The following FER1L5 variants were observed in gnomAD, a reference collection of about 807,000 sequenced individuals.
The protein encoded by FER1L5 is fer-1-like protein 5.
FER1L5 carries 187 observed loss-of-function variants against 279.9 expected under a neutral mutation model. The ratio of observed to expected loss-of-function variants is 0.67; its 90% CI spans 0.59 to 0.75. The LOEUF (loss-of-function observed/expected upper bound fraction) is 0.75. Among genes scored for constraint, FER1L5 ranks in the 30% least tolerant of loss-of-function variants. The pLI is 0.00. For missense variants in FER1L5, 2,091 were observed against 2,594.4 expected (o/e 0.81, Z 4.21); for synonymous variants, 921 against 989.7 (o/e 0.93, Z 1.30).
chr2:96,647,289 A>G, intron 3 of FER1L5, 134 bp downstream of exon 3: 1 of 976,648 alleles, frequency 1.0e-6, no homozygotes, highest in Non-Finnish European at 1.5e-6. Context: ...AAGAAAAAAG[A>G]GGGGTGGGTA....
At position 96,703,510 on chromosome 2, in the gene FER1L5, A is replaced by G. The variant is rs1281957508; in HGVS notation, c.5692-13A>G. On this transcript the variant is annotated splice_polypyrimidine_tract_variant and intron_variant, in intron 50 of 52. Coordinates refer to ENST00000624922, the MANE Select transcript of FER1L5 (RefSeq NM_001293083.2). ...TCTGCACTCAGCCTCCCCCTCACCCATGGTGTTCCTAGGGCAAGGTGAAGA... is the reference window on the plus strand; with the variant it reads ...TCTGCACTCAGCCTCCCCCTCACCCGTGGTGTTCCTAGGGCAAGGTGAAGA... The G allele has an allele frequency of 1.9e-6, 3 of 1,613,260 alleles. No individual in the cohort carries two copies. The highest frequency in any genetic ancestry group is 2.5e-6 in the Non-Finnish European group (3 of 1,179,372).
chr2:96,693,504 AGGGCCCTTC>A lies in FER1L5; in HGVS notation c.3293-1_3300del. ...CTGCTACCTTCTCCTCTACCCCTCCAGGGCCCTTCATTCGGGTGGTCTTCCTGAACCACA... is the reference window on the plus strand; with the variant it reads ...CTGCTACCTTCTCCTCTACCCCTCCAATTCGGGTGGTCTTCCTGAACCACA... On this transcript the variant is annotated splice_acceptor_variant and coding_sequence_variant, in exon 32 of 53. Coordinates refer to ENST00000624922, the MANE Select transcript of FER1L5 (RefSeq NM_001293083.2). LOFTEE classifies it high-confidence loss of function. 6.4e-7 allele frequency: 1 copy of A among 1,551,062 alleles called. No individual in the cohort carries two copies. The highest frequency in any genetic ancestry group is 1.2e-5 in the South Asian group (1 of 84,000).
chr2:96,696,071 C>A lies in FER1L5; in HGVS notation c.4077C>A (p.His1359Gln). ...PKLPTLSEKK[H>Q]QDFLGYLYRK... is the part of the protein sequence containing the mutation. ...GCACAGCGCTGTCTGAGAAGAAGCA[C>A]CAAGACGTAAGTAAGGGCTGCAGGC... The change falls in exon 37 of 53, where the codon CAC (histidine) becomes CAA (glutamine). Residue 1359 changes from histidine (H) to glutamine (Q), a missense_variant. Coordinates refer to ENST00000624922, the MANE Select transcript of FER1L5 (RefSeq NM_001293083.2). The A allele has an allele frequency of 1.2e-6, 2 of 1,613,888 alleles. No individual in the cohort carries two copies. The highest frequency in any genetic ancestry group is 1.7e-6 in the Non-Finnish European group (2 of 1,179,874).
In FER1L5 at chr2:96,661,297, A is replaced by G. The variant is rs748527245; in HGVS notation, c.779-28A>G. On this transcript the variant is annotated intron_variant, in intron 10 of 52. Coordinates refer to ENST00000624922, the MANE Select transcript of FER1L5 (RefSeq NM_001293083.2). The stretch of plus-strand genomic sequence containing the variant: ...GGAGAAGGAAGGAGGCTGCAGGCAG[A>G]TCTCCCATGGCCTTTCTGCCTCTCT... 1.4e-5 allele frequency: 21 copies of G among 1,455,082 alleles called. No homozygotes were observed. The South Asian group carries it at 2.6e-4, about 18-fold the overall frequency. The allele number at this position is 1,455,082 out of a possible 1,614,324, so 90.1% of individuals were successfully genotyped here. A position where few individuals can be genotyped will look rare whatever the true frequency, so the allele number is the denominator to read the frequency against.
At position 96,704,579 on chromosome 2, in the gene FER1L5, C is replaced by G; in HGVS notation, c.6061C>G (p.Pro2021Ala). 2 of 1,613,924 alleles carry G rather than the reference C, an allele frequency of 1.2e-6. No homozygotes were observed. The highest frequency in any genetic ancestry group is 1.7e-6 in the Non-Finnish European group (2 of 1,179,862). The change falls in exon 53 of 53, where the codon CCC becomes GCC. Residue 2021 changes from proline (P) to alanine (A), a missense_variant. Coordinates refer to ENST00000624922, the MANE Select transcript of FER1L5 (RefSeq NM_001293083.2). ...NTSNASSSIL[P>A]TQDPNLKPTI... ...CAGCAACGCCAGCTCTTCCATCCTT[C>G]CCACCCAGGATCCAAACCTAAAGCC...
chr2:96,673,249 A>G lies in FER1L5; in HGVS notation c.1664A>G (p.Tyr555Cys). 1 of 1,548,638 alleles carries G rather than the reference A, an allele frequency of 6.5e-7. No homozygotes were observed. Among genetic ancestry groups the G allele is most frequent in the South Asian group, 1.2e-5 (1 of 83,972 alleles). Residue 555 changes from tyrosine to cysteine, a missense_variant, in exon 19 of 53, where the codon TAT (tyrosine) becomes TGT (cysteine). Transcript: ENST00000624922. ...VSSTPYSPVIYDGNIYHYVPW... is the reference protein window; with the variant it reads ...VSSTPYSPVICDGNIYHYVPW... ...AGCACACCGTACAGCCCAGTGATAT[A>G]TGATGGTAATTGTCAGATTCAGGCA...
chr2:96,687,198 G>A (rs1255549253), intron 23 of FER1L5, among the ~76,000 whole-genome samples: 1 of 152,176 alleles, frequency 6.6e-6, no homozygotes, highest in Non-Finnish European at 1.5e-5. Context: ...CCTGGCCCCT[G>A]GCCCCTGTTC....
chr2:96,678,876 T>G (rs2106623435), intron 19 of FER1L5, among the ~76,000 whole-genome samples: 1 of 152,372 alleles, frequency 6.6e-6, no homozygotes. Flanking sequence ...ACAAGTCCTG[T>G]ACCAGATATG....
chr2:96,685,829 G>A, intron 21 of FER1L5, 111 bp from the exon 22 acceptor site: 1 of 1,323,184 alleles, frequency 7.6e-7, no homozygotes, highest in South Asian at 1.6e-5. Context: ...GCAGCAGATG[G>A]GGGCAGGATC....
In FER1L5 at chr2:96,642,846, C is replaced by T; in HGVS notation, c.10C>T (p.Leu4Phe). Reference protein sequence around the residue: MLRLVVQSAKIDPP... With the variant: MLRFVVQSAKIDPP... ...AAAGTAGGTCTCCGAGATGCTGCGG[C>T]TTGTGGTGCAGTCGGCCAAGATTGA... The change falls in exon 1 of 53, where the codon CTT becomes TTT. Residue 4 changes from leucine to phenylalanine, a missense_variant. Coordinates refer to ENST00000624922, the MANE Select transcript of FER1L5 (RefSeq NM_001293083.2). 6.4e-7 allele frequency: 1 copy of T among 1,550,940 alleles called. No homozygotes were observed. The highest frequency in any genetic ancestry group is 1.4e-5 in the African/African-American group (1 of 73,130).
intron 6 of FER1L5, among the ~76,000 whole-genome samples, chr2:96,651,664 C>T (rs1413707815): frequency 1.3e-5 from 2 of 151,984 alleles, no homozygotes; most frequent in African/African-American, 4.8e-5. Context: ...CCAAGCTCAG[C>T]TAATTTTTTT....
At chr2:96,695,425 C>A in intron 34 of FER1L5, 84 bp from the exon 35 acceptor site, 1 of 1,473,548 alleles carries the variant, frequency 6.8e-7, no homozygotes, top group Non-Finnish European at 9.0e-7. Context: ...ACCGCTATTG[C>A]CCCTCAGCCC....
Position 96,702,343 on chromosome 2 carries a change from G to T in FER1L5, c.5197G>T (p.Val1733Leu), listed in dbSNP as rs2077614675. 4.3e-6 allele frequency: 7 copies of T among 1,613,106 alleles called. No individual in the cohort carries two copies. Among genetic ancestry groups the T allele is most frequent in the Non-Finnish European group, 5.9e-6 (7 of 1,179,656 alleles). ...LRCIIWKTAN[V>L]DLVDDNLSRE... is the part of the protein sequence containing the mutation. ...ATGCATCATCTGGAAGACTGCCAAT[G>T]TGGACCTGGTGGATGACAATTTAAG... The change falls in exon 47 of 53, where the codon GTG becomes TTG. Residue 1733 changes from valine to leucine, a missense_variant. Physicochemically the swap from Val to Leu is conservative, Grantham distance 32 (BLOSUM62 1). Coordinates refer to ENST00000624922, the MANE Select transcript of FER1L5 (RefSeq NM_001293083.2). The surrounding 1 kb of genome is among the most constrained non-coding windows in gnomAD (Gnocchi z 4.0).
At chr2:96,661,858 C>T in intron 12 of FER1L5, 67 bp downstream of exon 12, 2 of 1,538,178 alleles carry the variant, frequency 1.3e-6, no homozygotes, top group Middle Eastern at 2.0e-4. Context: ...CCTGGATCCT[C>T]ATGGAGTTTC....
chr2:96,704,842 C>G lies in FER1L5; in HGVS notation c.*150C>G. 1.5e-6 allele frequency: 1 copy of G among 657,670 alleles called. No individual in the cohort carries two copies. The highest frequency in any genetic ancestry group is 2.6e-6 in the Non-Finnish European group (1 of 386,824). The allele number at this position is 657,670 out of a possible 1,614,324, so 40.7% of individuals were successfully genotyped here. ...CAGAAATCACTTTCAACAAGACGAGCAGAGCTGTAATTTTCCACTGAAATA... is the reference window on the plus strand; with the variant it reads ...CAGAAATCACTTTCAACAAGACGAGGAGAGCTGTAATTTTCCACTGAAATA... On this transcript the variant is annotated 3_prime_UTR_variant, in exon 53 of 53. Coordinates refer to ENST00000624922, the MANE Select transcript of FER1L5 (RefSeq NM_001293083.2).
intron 1 of FER1L5, among the ~76,000 whole-genome samples, chr2:96,645,617 G>T (rs2075086278): frequency 6.6e-6 from 1 of 152,088 alleles, no homozygotes; most frequent in African/African-American, 2.4e-5. Flanking sequence ...GTAAAACCCT[G>T]TCTCTACAAA....
rs921881496 is a variant in FER1L5 at position 96,685,359 on chromosome 2, C to T, written c.1825C>T (p.Arg609Trp). Residue 609 changes from arginine (R) to tryptophan (W), a missense_variant, in exon 21 of 53, where the codon CGG becomes TGG. Transcript: ENST00000624922. ...CAACCTGGACACCCTGAAATCCACG[C>T]GGAATCCGAAGGATCCAGCTCTCCT... ...KANLDTLKST[R>W]NPKDPALLYQ... 3.4e-5 allele frequency: 52 copies of T among 1,551,250 alleles called. No individual in the cohort carries two copies. The highest frequency in any genetic ancestry group is 1.7e-4 in the Middle Eastern group (1 of 5,984).
intron 12 of FER1L5, among the ~76,000 whole-genome samples, 180 bp from the exon 13 acceptor site, chr2:96,662,034 TC>T (rs1251605095): frequency 1.3e-5 from 2 of 151,874 alleles, no homozygotes; most frequent in Non-Finnish European, 2.9e-5. Context: ...GCTCCCTATG[TC>T]CCCCCACCCC....
intron 39 of FER1L5, 88 bp downstream of exon 39, chr2:96,697,849 A>C: frequency 2.0e-6 from 3 of 1,516,470 alleles, no homozygotes; most frequent in African/African-American, 1.4e-5. Flanking sequence ...GGGAAGCCTC[A>C]AGTGGGAAGG....
Sources: allele counts gnomAD v4.1 joint callset (sites outside exome capture counted in the v4.1 genomes callset), GRCh38; gene constraint gnomAD v4.1.1; non-coding constraint Gnocchi (gnomAD v3.1); transcripts MANE v1.5; gene names NCBI Gene and HGNC (gene_info 2026-07-23, HGNC 2026-07-21).